CDC14A: variants seen among roughly 807,000 people sequenced by gnomAD.
CDC14A encodes cell division cycle 14A.
CDC14A carries 53 observed loss-of-function variants against 74.4 expected under a neutral mutation model. The ratio of observed to expected loss-of-function variants is 0.71; its 90% CI spans 0.57 to 0.89. The LOEUF (loss-of-function observed/expected upper bound fraction) is 0.89, where lower values mean the gene tolerates loss of function less well. Ranked by LOEUF, CDC14A falls within the 40% of genes least tolerant of loss-of-function variation. The pLI, the probability that CDC14A is intolerant of heterozygous loss-of-function variation, is 0.00. For missense variants in CDC14A, 646 were observed against 713.7 expected (o/e 0.91, Z 1.08); for synonymous variants, 247 against 258.4 (o/e 0.96, Z 0.43).
Position 100,446,473 on chromosome 1 carries a change from T to C in CDC14A, c.519+3477T>C, listed in dbSNP as rs547690166. 4.6e-5 allele frequency among the ~76,000 whole-genome samples: 7 copies of C among 152,336 alleles called. No homozygotes were observed. In the South Asian group the frequency reaches 1.4e-3, roughly 32 times the overall value. ...GGTTATATGCATCTTCCTCCTGCAA[T>C]TCCAGGGTCTAAAGCAGTGCTGTCC... On this transcript the variant is annotated intron_variant, in intron 7 of 15. Coordinates refer to ENST00000336454, the MANE Select transcript of CDC14A (RefSeq NM_003672.4).
intron 4 of CDC14A, among the ~76,000 whole-genome samples, chr1:100,404,859 A>G (rs113676278): frequency 6.2e-4 from 75 of 121,118 alleles, no homozygotes; most frequent in African/African-American, 1.3e-3. Flanking sequence ...AAACAAAACA[A>G]AACAAAAAAC....
At chr1:100,444,872 C>T (rs1054946553) in intron 7 of CDC14A, among the ~76,000 whole-genome samples, 3 of 152,066 alleles carry the variant, frequency 2.0e-5, no homozygotes, top group Non-Finnish European at 4.4e-5. Context: ...AAAGACTTAA[C>T]ATCATAAAGC....
chr1:100,391,869 A>G (rs949585895), intron 4 of CDC14A, among the ~76,000 whole-genome samples: 11 of 152,352 alleles, frequency 7.2e-5, no homozygotes, highest in Middle Eastern at 3.4e-3. Context: ...TGAGGTGCCC[A>G]GCCCTGCCCA....
At chr1:100,484,516 A>G in intron 11 of CDC14A, 65 bp downstream of exon 11, 2 of 1,510,908 alleles carry the variant, frequency 1.3e-6, no homozygotes, top group Non-Finnish European at 1.8e-6. Flanking sequence ...TCTCAGTTGG[A>G]CCTATATAAC....
intron 15 of CDC14A, among the ~76,000 whole-genome samples, chr1:100,516,375 A>G (rs2101489214): frequency 6.6e-6 from 1 of 152,336 alleles, no homozygotes; most frequent in East Asian, 1.9e-4. Context: ...TCGCTTGTCT[A>G]ATGTTTATTT....
intron 10 of CDC14A, among the ~76,000 whole-genome samples, chr1:100,474,242 TGTTA>T (rs1456451108): frequency 6.6e-6 from 1 of 152,206 alleles, no homozygotes; most frequent in Non-Finnish European, 1.5e-5. Context: ...TGCTGAACTC[TGTTA>T]GTTAAAAATT....
intron 10 of CDC14A, among the ~76,000 whole-genome samples, chr1:100,474,527 A>T (rs913942598): frequency 4.6e-5 from 7 of 151,816 alleles, no homozygotes; most frequent in African/African-American, 1.7e-4. Context: ...AATCCATTTC[A>T]TATTGGGTGA....
chr1:100,419,541 A>G (rs1024711923), intron 4 of CDC14A, among the ~76,000 whole-genome samples: 1 of 152,274 alleles, frequency 6.6e-6, no homozygotes, highest in Non-Finnish European at 1.5e-5. Flanking sequence ...CTGCTGATTA[A>G]TGGGCTTCAG....
chr1:100,452,337 C>T (rs574082191), intron 7 of CDC14A, among the ~76,000 whole-genome samples: 16 of 152,098 alleles, frequency 1.1e-4, no homozygotes, highest in South Asian at 2.1e-4. Context: ...TGGTGAAACC[C>T]GGTCTCTACT....
chr1:100,484,910 A>G, intron 11 of CDC14A: 1 of 977,558 alleles, frequency 1.0e-6, no homozygotes, highest in Non-Finnish European at 1.2e-6. Context: ...TAAACAAACC[A>G]CGGTAAATAG....
In CDC14A at chr1:100,499,268, T is replaced by C. The variant is rs1557832738; in HGVS notation, c.1755+6T>C. On this transcript the variant is annotated splice_donor_region_variant and intron_variant, in intron 15 of 15. Transcript: ENST00000336454. ...TCCTGAGCCGTTCTATCCCTGTAAG[T>C]GCGCAGACACCACCTCCTGGTCCTC... The C allele has an allele frequency of 1.2e-6, 2 of 1,614,164 alleles. No individual in the cohort carries two copies. Among genetic ancestry groups the C allele is most frequent in the East Asian group, 2.2e-5 (1 of 44,888 alleles).
chr1:100,499,109 T>A lies in CDC14A; in HGVS notation c.1602T>A (p.Asn534Lys). 1 of 1,614,028 alleles carries A rather than the reference T, an allele frequency of 6.2e-7. No homozygotes were observed. The highest frequency in any genetic ancestry group is 8.5e-7 in the Non-Finnish European group (1 of 1,180,008). ...TTRNYPELNN[N>K]QYNRSSNSNG... ...GAAATTACCCTGAGCTCAACAATAA[T>A]CAGTACAACAGAAGCAGCAACAGCA... is the stretch of plus-strand genomic sequence containing the variant. The change falls in exon 15 of 16, where the codon AAT becomes AAA. Residue 534 changes from asparagine (N) to lysine (K), a missense_variant. Physicochemically the swap from Asn to Lys is moderately conservative, Grantham distance 94. Transcript: ENST00000336454.
At chr1:100,496,601 G>C (rs368384191) in intron 13 of CDC14A, among the ~76,000 whole-genome samples, 1 of 152,170 alleles carries the variant, frequency 6.6e-6, no homozygotes, top group African/African-American at 2.4e-5. Flanking sequence ...CAAGAGTGTT[G>C]ATGAAATAGG....
At chr1:100,354,352 C>T (rs1350347313) in intron 2 of CDC14A, among the ~76,000 whole-genome samples, 1 of 152,246 alleles carries the variant, frequency 6.6e-6, no homozygotes, top group Admixed American at 6.5e-5. Flanking sequence ...ATCAGAGTCA[C>T]ATTTATGACT....
intron 4 of CDC14A, among the ~76,000 whole-genome samples, chr1:100,395,168 C>T (rs577682297): frequency 2.0e-5 from 3 of 152,282 alleles, no homozygotes; most frequent in African/African-American, 7.2e-5. Context: ...AAACCTTTTT[C>T]TCAAAGCCTT....
intron 11 of CDC14A, chr1:100,484,878 A>G: frequency 1.0e-6 from 1 of 981,108 alleles, no homozygotes; most frequent in Non-Finnish European, 1.2e-6. Context: ...CACTTTTTTA[A>G]AAAAAAATTA....
chr1:100,447,886 A>T (rs910075079), intron 7 of CDC14A, among the ~76,000 whole-genome samples: 6 of 152,202 alleles, frequency 3.9e-5, no homozygotes, highest in Admixed American at 1.3e-4. Context: ...GTGATCATTC[A>T]TGATGCTACT....
upstream of CDC14A, among the ~76,000 whole-genome samples, chr1:100,349,929 T>A (rs1468860959): frequency 6.7e-6 from 1 of 150,354 alleles, no homozygotes; most frequent in Non-Finnish European, 1.5e-5. Context: ...ATTACAGGCG[T>A]GTGCCACCAC....
chr1:100,349,525 T>C (rs75043922), upstream of CDC14A, among the ~76,000 whole-genome samples: 104 of 152,338 alleles, frequency 6.8e-4, 2 homozygotes, highest in East Asian at 0.02. Flanking sequence ...AGAACCTTGG[T>C]ATGTATTATA....
Sources: allele counts gnomAD v4.1 joint callset (sites outside exome capture counted in the v4.1 genomes callset), GRCh38; gene constraint gnomAD v4.1.1; transcripts MANE v1.5; gene names NCBI Gene and HGNC (gene_info 2026-07-23, HGNC 2026-07-21).